ZNF423: variants seen among roughly 807,000 people sequenced by gnomAD.
ZNF423 encodes the protein zinc finger protein 423, also known as Ebf-associated zinc finger protein.
In ZNF423, 12 loss-of-function variants were observed where a neutral mutation model predicts 95.8. That is an observed-to-expected ratio of 0.13 (90% CI 0.08 to 0.20). The LOEUF (loss-of-function observed/expected upper bound fraction) is 0.20. ZNF423 is among the 10% of genes least tolerant of loss of function. The pLI, the probability that ZNF423 is intolerant of heterozygous loss-of-function variation, is 1.00. For missense variants in ZNF423, 1,316 were observed against 1,737.1 expected (o/e 0.76, Z 4.31); for synonymous variants, 749 against 711.9 (o/e 1.05, Z -0.83).
At chr16:49,659,831 C>G (rs1340278301) in intron 3 of ZNF423, among the ~76,000 whole-genome samples, 1 of 152,220 alleles carries the variant, frequency 6.6e-6, no homozygotes, top group African/African-American at 2.4e-5. Flanking sequence ...GTGGGTGGTG[C>G]TGGGCCTACA....
chr16:49,822,152 GCC>G (rs2144027217), intron 1 of ZNF423, among the ~76,000 whole-genome samples: 1 of 150,658 alleles, frequency 6.6e-6, no homozygotes, highest in South Asian at 2.1e-4. Flanking sequence ...CAACCCGTTT[GCC>G]TAAGTCACCC....
intron 2 of ZNF423, among the ~76,000 whole-genome samples, chr16:49,758,657 G>T (rs1316174953): frequency 6.6e-6 from 1 of 152,086 alleles, no homozygotes; most frequent in Admixed American, 6.6e-5. Flanking sequence ...TGAGAGGATC[G>T]CTTGAGTCTA....
chr16:49,626,963 T>A (rs1238012418), intron 4 of ZNF423, among the ~76,000 whole-genome samples: 1 of 97,472 alleles, frequency 1.0e-5, no homozygotes, highest in East Asian at 3.0e-4. Context: ...ATCCTCCATC[T>A]ACCCATCCAT....
intron 5 of ZNF423, among the ~76,000 whole-genome samples, chr16:49,580,314 A>T (rs751808504): frequency 2.6e-5 from 4 of 151,978 alleles, no homozygotes; most frequent in Non-Finnish European, 5.9e-5. Flanking sequence ...CTTGACCAAC[A>T]TCCTCCCAAT....
At chr16:49,624,613 T>G (rs2080353) in intron 5 of ZNF423, among the ~76,000 whole-genome samples, 53,309 of 151,998 alleles carry the variant, frequency 0.35, 9,891 homozygotes, top group African/African-American at 0.46. Context: ...CCAGCACTAT[T>G]TCAGAATGGG....
chr16:49,559,401 G>A (rs573601302), intron 5 of ZNF423, among the ~76,000 whole-genome samples: 2 of 152,364 alleles, frequency 1.3e-5, no homozygotes, highest in Admixed American at 6.5e-5. Context: ...GATGGCGAGA[G>A]ATTTCCCCTA....
At chr16:49,732,546 G>T (rs2033193230) in intron 2 of ZNF423, among the ~76,000 whole-genome samples, 1 of 152,190 alleles carries the variant, frequency 6.6e-6, no homozygotes, top group Admixed American at 6.5e-5. Flanking sequence ...ATGTACATAT[G>T]CAAAAGTGCG....
intron 2 of ZNF423, among the ~76,000 whole-genome samples, chr16:49,751,304 C>A (rs529641006): frequency 6.6e-6 from 1 of 152,150 alleles, no homozygotes; most frequent in South Asian, 2.1e-4. Context: ...TCACTGCAGC[C>A]TCCAACTCCT....
At chr16:49,695,354 A>C (rs61637362) in intron 3 of ZNF423, among the ~76,000 whole-genome samples, 1 of 152,176 alleles carries the variant, frequency 6.6e-6, no homozygotes, top group South Asian at 2.1e-4. Flanking sequence ...GTGCAATGGC[A>C]CAATCTCGGC....
chr16:49,809,380 C>G (rs2034716335), intron 1 of ZNF423, among the ~76,000 whole-genome samples: 1 of 152,216 alleles, frequency 6.6e-6, no homozygotes, highest in African/African-American at 2.4e-5. Flanking sequence ...GTCCCATGCT[C>G]TGTGTGTCAC....
At chr16:49,765,897 T>C (rs1245388301) in intron 2 of ZNF423, among the ~76,000 whole-genome samples, 1 of 152,010 alleles carries the variant, frequency 6.6e-6, no homozygotes, top group African/African-American at 2.4e-5. Flanking sequence ...AGATAGACAG[T>C]AGAATAGTGG....
At chr16:49,652,310 G>A (rs1441192262) in intron 3 of ZNF423, among the ~76,000 whole-genome samples, 1 of 151,922 alleles carries the variant, frequency 6.6e-6, no homozygotes, top group Non-Finnish European at 1.5e-5. Context: ...AAATGCAATT[G>A]AGCTCGAGTT....
At chr16:49,787,789 C>T (rs964769086) in intron 2 of ZNF423, among the ~76,000 whole-genome samples, 1 of 152,150 alleles carries the variant, frequency 6.6e-6, no homozygotes, top group African/African-American at 2.4e-5. Context: ...GCATCACCTC[C>T]AGCCCCACCG....
chr16:49,725,438 GTGAT>G (rs1279849467), intron 3 of ZNF423, among the ~76,000 whole-genome samples: 1 of 152,136 alleles, frequency 6.6e-6, no homozygotes, highest in East Asian at 1.9e-4. Context: ...GACACCAAAG[GTGAT>G]TGTTATAAAG....
At chr16:49,590,050 A>ATATATATATATATATATATATATATAATG (rs552421632) in intron 5 of ZNF423, among the ~76,000 whole-genome samples, 2 of 117,506 alleles carry the variant, frequency 1.7e-5, no homozygotes, top group Non-Finnish European at 4.0e-5. Context: ...ATATATATAT[A>ATATATATATATATATATATATATATAATG]TTTGGTCCAT....
At chr16:49,794,923 G>A (rs2034474723) in intron 1 of ZNF423, among the ~76,000 whole-genome samples, 1 of 152,116 alleles carries the variant, frequency 6.6e-6, no homozygotes, top group Admixed American at 6.5e-5. Context: ...TGTCACCCAG[G>A]CTGGGGTACA....
intron 3 of ZNF423, among the ~76,000 whole-genome samples, chr16:49,680,946 C>T (rs576566813): frequency 3.7e-4 from 57 of 152,090 alleles, no homozygotes; most frequent in Middle Eastern, 3.4e-3. Flanking sequence ...CCAACTTAGG[C>T]TCCCAAAGTG....
At chr16:49,557,273 C>G (rs1969859525) in intron 5 of ZNF423, among the ~76,000 whole-genome samples, 1 of 152,210 alleles carries the variant, frequency 6.6e-6, no homozygotes, top group South Asian at 2.1e-4. Context: ...CTGCCTAATC[C>G]CTTCTGCATA....
intron 2 of ZNF423, among the ~76,000 whole-genome samples, chr16:49,770,188 GAATA>G (rs1281682551): frequency 7.8e-6 from 1 of 127,570 alleles, no homozygotes; most frequent in African/African-American, 3.3e-5. Context: ...CTGAAAGAAT[GAATA>G]AAAGAATGAA....
Sources: allele counts gnomAD v4.1 joint callset (sites outside exome capture counted in the v4.1 genomes callset), GRCh38; gene constraint gnomAD v4.1.1; transcripts MANE v1.5; gene names NCBI Gene and HGNC (gene_info 2026-07-23, HGNC 2026-07-21).